ARHGAP28: variants seen among roughly 807,000 people sequenced by gnomAD.
ARHGAP28 encodes Rho GTPase activating protein 28.
Under a neutral mutation model 90.7 loss-of-function variants are expected in ARHGAP28, and 56 were observed. The observed-to-expected ratio is 0.62, with a 90% CI of 0.50 to 0.77. ARHGAP28 has a LOEUF of 0.77. ARHGAP28 is among the 30% of genes least tolerant of loss of function. The probability of loss-of-function intolerance (pLI) is 0.00; values close to 1 mark genes in which losing one functional copy is unlikely to be tolerated. For missense variants in ARHGAP28, 869 were observed against 900.9 expected, an observed-to-expected ratio of 0.96 and a Z score of 0.45; for synonymous variants, 308 against 323.3, an observed-to-expected ratio of 0.95 and a Z score of 0.51.
chr18:6,882,668 A>C (rs1423935269), intron 11 of ARHGAP28, among the ~76,000 whole-genome samples: 1 of 152,218 alleles, frequency 6.6e-6, no homozygotes, highest in Non-Finnish European at 1.5e-5. Context: ...GAAGTCATTT[A>C]GAATAGAGCC....
chr18:6,790,396 G>A (rs561827451), intron 1 of ARHGAP28: 1 of 152,248 alleles, frequency 6.6e-6, no homozygotes, highest in South Asian at 2.1e-4. Flanking sequence ...ACTTGCCCTA[G>A]GAGAATAAAA....
At chr18:6,774,132 G>A (rs1301231172) in intron 1 of ARHGAP28, 1 of 152,180 alleles carries the variant, frequency 6.6e-6, no homozygotes, top group African/African-American at 2.4e-5. Flanking sequence ...TGTGGGCTGG[G>A]GATGGCTTCC....
chr18:6,766,895 G>A (rs903053533), intron 1 of ARHGAP28, among the ~76,000 whole-genome samples: 8 of 152,224 alleles, frequency 5.3e-5, no homozygotes, highest in African/African-American at 1.7e-4. Context: ...TATGATTAAC[G>A]CTTGCATGTC....
chr18:6,832,536 CTTTTG>C (rs1415560458), intron 2 of ARHGAP28, among the ~76,000 whole-genome samples: 4 of 151,656 alleles, frequency 2.6e-5, no homozygotes, highest in African/African-American at 9.7e-5. Context: ...CTATTTTTTC[CTTTTG>C]TTCTGTCAGT....
intron 4 of ARHGAP28, among the ~76,000 whole-genome samples, chr18:6,852,674 G>A (rs559109913): frequency 2.0e-4 from 30 of 152,188 alleles, no homozygotes; most frequent in South Asian, 1.7e-3. Flanking sequence ...TCGTGTTGCC[G>A]CCTTAGCACG....
intron 16 of ARHGAP28, among the ~76,000 whole-genome samples, chr18:6,901,661 T>G (rs963156684): frequency 3.0e-4 from 46 of 152,000 alleles, no homozygotes; most frequent in Admixed American, 2.7e-3. Flanking sequence ...CTACAAAGTG[T>G]CTGAGCAGTA....
intron 1 of ARHGAP28, among the ~76,000 whole-genome samples, chr18:6,818,299 T>A (rs2056605116): frequency 6.6e-6 from 1 of 152,190 alleles, no homozygotes; most frequent in Non-Finnish European, 1.5e-5. Context: ...TTTACAGCTA[T>A]AAGCAGTTAC....
chr18:6,889,880 C>G lies in ARHGAP28; in HGVS notation c.1537-8C>G. On this transcript the variant is annotated splice_polypyrimidine_tract_variant and splice_region_variant and intron_variant, in intron 12 of 17. Coordinates refer to ENST00000383472, the MANE Select transcript of ARHGAP28 (RefSeq NM_001366230.1). The stretch of plus-strand genomic sequence containing the variant: ...ACAATTGTATGACACAATGCTGTTT[C>G]TTCTTAGGCCCTCATGACATTCTTC... 1.2e-6 allele frequency: 2 copies of G among 1,613,462 alleles called. No homozygotes were observed. Among genetic ancestry groups the G allele is most frequent in the African/African-American group, 2.7e-5 (2 of 75,056 alleles).
intron 3 of ARHGAP28, among the ~76,000 whole-genome samples, chr18:6,848,766 A>T (rs1034787680): frequency 2.0e-5 from 3 of 152,186 alleles, no homozygotes; most frequent in African/African-American, 7.2e-5. Flanking sequence ...CTTGAGCTCC[A>T]TGTGAAAGAG....
At chr18:6,827,320 A>ACCC (rs1331457514) in intron 2 of ARHGAP28, among the ~76,000 whole-genome samples, 1 of 132,020 alleles carries the variant, frequency 7.6e-6, no homozygotes, top group South Asian at 2.6e-4. Flanking sequence ...CGGGGGGCTG[A>ACCC]ACCCTCCACC....
At chr18:6,836,364 C>G (rs73384512) in intron 2 of ARHGAP28, among the ~76,000 whole-genome samples, 2,754 of 152,016 alleles carry the variant, frequency 0.018, 70 homozygotes, top group African/African-American at 0.061. Flanking sequence ...ACCAGAGCCT[C>G]AATTAGGATC....
intron 10 of ARHGAP28, 53 bp from the exon 11 acceptor site, chr18:6,882,084 G>A (rs1336795077): frequency 3.3e-5 from 50 of 1,518,012 alleles, no homozygotes; most frequent in Non-Finnish European, 4.4e-5. Context: ...AGGGGAAAAT[G>A]GGGTCAGGTG....
chr18:6,874,008 A>C (rs2057111397), intron 9 of ARHGAP28, among the ~76,000 whole-genome samples: 1 of 152,172 alleles, frequency 6.6e-6, no homozygotes, highest in African/African-American at 2.4e-5. Flanking sequence ...GTTTGCCTAT[A>C]ACACATCAGG....
chr18:6,830,460 TCC>T (rs2056706509), intron 2 of ARHGAP28, among the ~76,000 whole-genome samples: 2 of 152,218 alleles, frequency 1.3e-5, no homozygotes, highest in Admixed American at 1.3e-4. Flanking sequence ...CCTAAGACTA[TCC>T]CTCCCTTAGC....
chr18:6,745,421 C>A lies in ARHGAP28; in HGVS notation c.122+15478C>A, dbSNP rs565980263. Among the ~76,000 whole-genome samples the A allele has an allele frequency of 1.1e-3, 163 of 152,198 alleles. 1 individual carries two copies. Among genetic ancestry groups the A allele is most frequent in the South Asian group, 2.5e-3 (12 of 4,812 alleles). On this transcript the variant is annotated intron_variant, in intron 1 of 17. Transcript: ENST00000383472. Reference sequence around the variant, plus strand: ...TATATAATGGTCATGAATCTAAAGACCTCCAGGATTTCTGAAGCCATACCC... The same window carrying A: ...TATATAATGGTCATGAATCTAAAGAACTCCAGGATTTCTGAAGCCATACCC...
intron 1 of ARHGAP28, among the ~76,000 whole-genome samples, chr18:6,779,475 G>T (rs933520907): frequency 1.3e-5 from 2 of 152,144 alleles, no homozygotes; most frequent in African/African-American, 2.4e-5. Flanking sequence ...CATCTACTTG[G>T]TTTTCACAAG....
At chr18:6,864,751 C>G (rs1230348002) in intron 5 of ARHGAP28, among the ~76,000 whole-genome samples, 2 of 152,132 alleles carry the variant, frequency 1.3e-5, no homozygotes, top group Non-Finnish European at 2.9e-5. Context: ...ATGGCATGAT[C>G]ATGGCTCACT....
At chr18:6,789,744 C>T (rs1255776369) in intron 1 of ARHGAP28, 3 of 152,088 alleles carry the variant, frequency 2.0e-5, no homozygotes, top group Non-Finnish European at 4.4e-5. Flanking sequence ...TAAAGACACT[C>T]TATTAGTATA....
At position 6,777,684 on chromosome 18, in the gene ARHGAP28, C is replaced by A. The variant is rs150928469; in HGVS notation, c.123-47078C>A. Among the ~76,000 whole-genome samples, 231 of 152,088 alleles carry A rather than the reference C, an allele frequency of 1.5e-3. 1 individual carries two copies. The highest frequency in any genetic ancestry group is 9.0e-4 in the Non-Finnish European group (61 of 67,992). ...AGGCTGCAGTGATCTATGATTGCAC[C>A]ACTGCATTCCAGCCTGGGCAACAGA... On this transcript the variant is annotated intron_variant, in intron 1 of 17. Transcript: ENST00000383472.
Sources: gnomAD v4.1 joint callset for allele counts (sites outside exome capture counted in the v4.1 genomes callset) on GRCh38, gnomAD v4.1.1 for gene constraint, MANE v1.5 for transcripts, NCBI Gene and HGNC (gene_info 2026-07-23, HGNC 2026-07-21) for gene names.